The following PLCB1 variants were observed in gnomAD, a reference collection of about 807,000 sequenced individuals.
PLCB1 encodes the protein phospholipase C beta 1.
PLCB1 carries 46 observed loss-of-function variants against 161.8 expected under a neutral mutation model. The observed-to-expected ratio is 0.28, with a 90% CI of 0.22 to 0.36. PLCB1 has a LOEUF of 0.36. Among genes scored for constraint, PLCB1 ranks in the 10% least tolerant of loss-of-function variants. The pLI, the probability that PLCB1 is intolerant of heterozygous loss-of-function variation, is 1.00. For missense variants in PLCB1, 1,016 were observed against 1,472.5 expected (o/e 0.69, Z 5.07); for synonymous variants, 517 against 503.7 (o/e 1.03, Z -0.35).
intron 2 of PLCB1, among the ~76,000 whole-genome samples, chr20:8,362,775 C>T (rs568542343): frequency 6.6e-6 from 1 of 152,236 alleles, no homozygotes; most frequent in East Asian, 1.9e-4. Flanking sequence ...ATTTATTTAT[C>T]ATGATTATTT....
rs529839454 is a variant in PLCB1 at position 8,721,702 on chromosome 20, A to G, written c.1514-652A>G. ...CGATATGCACTTCGTTGTGATGACA[A>G]TACATCCATCAAATAAGCTTGCAGA... On this transcript the variant is annotated intron_variant, in intron 14 of 31. Coordinates refer to ENST00000338037, the MANE Select transcript of PLCB1 (RefSeq NM_015192.4). 9.8e-5 allele frequency among the ~76,000 whole-genome samples: 15 copies of G among 152,318 alleles called. 1 individual carries two copies. The East Asian group carries it at 1.2e-3, about 12-fold the overall frequency.
intron 15 of PLCB1, 94 bp from the exon 16 acceptor site, chr20:8,724,562 T>C: frequency 1.3e-6 from 1 of 775,886 alleles, no homozygotes; most frequent in South Asian, 1.5e-5. Flanking sequence ...GATGATTTTC[T>C]GCATGCTTGA....
chr20:8,702,786 C>T (rs1600262030), intron 11 of PLCB1, among the ~76,000 whole-genome samples: 2 of 152,198 alleles, frequency 1.3e-5, no homozygotes, highest in Admixed American at 1.3e-4. Flanking sequence ...AAGAATGTAA[C>T]TTAAAAGCTA....
At position 8,327,082 on chromosome 20, in the gene PLCB1, C is replaced by T. The variant is rs138539015; in HGVS notation, c.178-44300C>T. On this transcript the variant is annotated intron_variant, in intron 2 of 31. Transcript: ENST00000338037. Reference sequence around the variant, plus strand: ...TGTATTTTTTGGAGAGACTGAGTTTCGCCATTTTGCCCAGACTGGCCTTGA... The same window carrying T: ...TGTATTTTTTGGAGAGACTGAGTTTTGCCATTTTGCCCAGACTGGCCTTGA... 5.1e-3 allele frequency among the ~76,000 whole-genome samples: 771 copies of T among 152,260 alleles called. 3 individuals are homozygous for T. The highest frequency in any genetic ancestry group is 8.6e-3 in the Non-Finnish European group (586 of 68,012).
At chr20:8,700,837 A>G (rs1160731063) in intron 11 of PLCB1, among the ~76,000 whole-genome samples, 2 of 152,126 alleles carry the variant, frequency 1.3e-5, no homozygotes, top group Non-Finnish European at 2.9e-5. Flanking sequence ...TAATGCACAT[A>G]GCAGGATAGA....
intron 31 of PLCB1, among the ~76,000 whole-genome samples, chr20:8,846,288 C>G (rs1039914797): frequency 1.1e-4 from 16 of 150,736 alleles, no homozygotes; most frequent in African/African-American, 4.0e-4. Context: ...GAAATCTGCC[C>G]GCATGATAAA....
intron 4 of PLCB1, among the ~76,000 whole-genome samples, chr20:8,641,576 C>T (rs960424241): frequency 8.5e-5 from 13 of 152,232 alleles, no homozygotes; most frequent in Non-Finnish European, 1.5e-5. Context: ...CTCTTCTGGT[C>T]ATTGCTTCCT....
At chr20:8,801,415 G>A (rs1329686753) in intron 31 of PLCB1, among the ~76,000 whole-genome samples, 7 of 152,078 alleles carry the variant, frequency 4.6e-5, no homozygotes, top group African/African-American at 1.7e-4. Flanking sequence ...CTCTCATTCA[G>A]TCATACCCTT....
chr20:8,181,763 C>T (rs1171819848), intron 2 of PLCB1, among the ~76,000 whole-genome samples: 2 of 151,442 alleles, frequency 1.3e-5, no homozygotes, highest in African/African-American at 4.9e-5. Context: ...TCACCTGAGT[C>T]CAGGAGTGCA....
intron 27 of PLCB1, among the ~76,000 whole-genome samples, chr20:8,782,636 C>T (rs1983297108): frequency 6.6e-6 from 1 of 152,172 alleles, no homozygotes; most frequent in Non-Finnish European, 1.5e-5. Context: ...GAGTGATCCT[C>T]CTGCCTCTAC....
At chr20:8,139,385 C>T (rs561937761) in intron 1 of PLCB1, among the ~76,000 whole-genome samples, 2 of 152,018 alleles carry the variant, frequency 1.3e-5, no homozygotes, top group East Asian at 1.9e-4. Context: ...TGTGAGCCAC[C>T]GCACCCGGCC....
intron 31 of PLCB1, among the ~76,000 whole-genome samples, chr20:8,858,758 A>G (rs1987150997): frequency 1.3e-5 from 2 of 152,122 alleles, no homozygotes; most frequent in African/African-American, 4.8e-5. Context: ...TCACTTACTT[A>G]GAGGTGACCA....
At chr20:8,767,199 G>C (rs1982362958) in intron 26 of PLCB1, among the ~76,000 whole-genome samples, 1 of 152,150 alleles carries the variant, frequency 6.6e-6, no homozygotes, top group Admixed American at 6.5e-5. Flanking sequence ...GCTAAACACA[G>C]ACCCTCGGGA....
chr20:8,411,609 G>A (rs1235292767), intron 3 of PLCB1, among the ~76,000 whole-genome samples: 2 of 152,140 alleles, frequency 1.3e-5, no homozygotes, highest in Non-Finnish European at 2.9e-5. Flanking sequence ...TAAATATAGA[G>A]ATCCTGCATT....
chr20:8,189,643 C>T (rs1233716944), intron 2 of PLCB1, among the ~76,000 whole-genome samples: 1 of 151,976 alleles, frequency 6.6e-6, no homozygotes, highest in African/African-American at 2.4e-5. Flanking sequence ...CAAAATTTGT[C>T]AAAACTGTAA....
intron 9 of PLCB1, among the ~76,000 whole-genome samples, chr20:8,666,715 A>T (rs962115058): frequency 6.6e-6 from 1 of 152,184 alleles, no homozygotes; most frequent in East Asian, 1.9e-4. Flanking sequence ...GACCATTTAG[A>T]AGTTAGTGAT....
At chr20:8,630,215 T>C (rs1600207968) in intron 4 of PLCB1, among the ~76,000 whole-genome samples, 1 of 151,790 alleles carries the variant, frequency 6.6e-6, no homozygotes, top group African/African-American at 2.4e-5. Context: ...GCCTGCCGAA[T>C]AGCTGGGACT....
At chr20:8,481,484 A>G (rs1982496550) in intron 3 of PLCB1, among the ~76,000 whole-genome samples, 1 of 152,318 alleles carries the variant, frequency 6.6e-6, no homozygotes, top group East Asian at 1.9e-4. Flanking sequence ...AGTATTAGGA[A>G]TTTCAGTTTT....
chr20:8,523,272 G>A (rs1346097450), intron 3 of PLCB1, among the ~76,000 whole-genome samples: 1 of 151,532 alleles, frequency 6.6e-6, no homozygotes, highest in Non-Finnish European at 1.5e-5. Flanking sequence ...GGATATAGTA[G>A]AAAGAGAATG....
Sources: allele counts gnomAD v4.1 joint callset (sites outside exome capture counted in the v4.1 genomes callset), GRCh38; gene constraint gnomAD v4.1.1; transcripts MANE v1.5; gene names NCBI Gene and HGNC (gene_info 2026-07-23, HGNC 2026-07-21).